The following PCDHGA9 variants were observed in gnomAD, a reference collection of about 807,000 sequenced individuals.
PCDHGA9 encodes protocadherin gamma-A9.
Under a neutral mutation model 62.5 loss-of-function variants are expected in PCDHGA9, and 37 were observed. The observed-to-expected ratio is 0.59, with a 90% CI of 0.46 to 0.78. The LOEUF (loss-of-function observed/expected upper bound fraction) is 0.78, where lower values mean the gene tolerates loss of function less well. PCDHGA9 is among the 30% of genes least tolerant of loss of function. PCDHGA9 has a pLI of 0.00. For missense variants in PCDHGA9, 1,138 were observed against 1,166.2 expected (o/e 0.98, Z 0.35); for synonymous variants, 459 against 484.6 (o/e 0.95, Z 0.69).
rs61612330 is a variant in PCDHGA9, at chr5:141,454,796, A to ATTTTTTTTTTTTTTT, written c.2425-39996_2425-39982dup. 1.0e-3 allele frequency among the ~76,000 whole-genome samples: 80 copies of ATTTTTTTTTTTTTTT among 77,456 alleles called. 10 individuals are homozygous for ATTTTTTTTTTTTTTT. The highest frequency in any genetic ancestry group is 2.0e-3 in the East Asian group (5 of 2,512). The allele number at this position is 77,456 out of a possible 152,430, so 50.8% of individuals were successfully genotyped here. A position where few individuals can be genotyped will look rare whatever the true frequency, so the allele number is the denominator to read the frequency against. On this transcript the variant is annotated intron_variant, in intron 1 of 3. Transcript: ENST00000573521. ...AAGGAAATAATCCTCCATGGTTCTA[A>ATTTTTTTTTTTTTTT]TTTTTTTTTTTTTTTTTTTTTTTTT...
chr5:141,492,616 G>C (rs976681246), intron 1 of PCDHGA9, among the ~76,000 whole-genome samples: 2 of 152,252 alleles, frequency 1.3e-5, no homozygotes, highest in African/African-American at 4.8e-5. Context: ...CTAAGTGCCG[G>C]GCGGGCAGGA....
Position 141,422,522 on chromosome 5 carries a change from C to T in PCDHGA9, c.2424+17146C>T, listed in dbSNP as rs767482856. On this transcript the variant is annotated intron_variant, in intron 1 of 3. Coordinates refer to ENST00000573521, the MANE Select transcript of PCDHGA9 (RefSeq NM_018921.3). Reference sequence around the variant, plus strand: ...ACAGCCACAGACCAGGGAAGCCCGCCTTTGTCTGCAGAAACTCATGTCTGG... The same window carrying T: ...ACAGCCACAGACCAGGGAAGCCCGCTTTTGTCTGCAGAAACTCATGTCTGG... 11 of 1,614,014 alleles carry T rather than the reference C, an allele frequency of 6.8e-6. No homozygotes were observed. In the South Asian group the frequency reaches 1.1e-4, roughly 16 times the overall value.
Position 141,403,425 on chromosome 5 carries a change from T to C in PCDHGA9, c.473T>C (p.Ile158Thr). 1 of 1,614,040 alleles carries C rather than the reference T, an allele frequency of 6.2e-7. No homozygotes were observed. The highest frequency in any genetic ancestry group is 1.1e-5 in the South Asian group (1 of 91,080). The change falls in exon 1 of 4, where the codon ATT becomes ACT. Residue 158 changes from isoleucine (I) to threonine (T), a missense_variant. Ile to Thr is a moderately conservative substitution (Grantham distance 89, BLOSUM62 -1). Coordinates refer to ENST00000573521, the MANE Select transcript of PCDHGA9 (RefSeq NM_018921.3). ...PGARYPLPEA[I>T]DPDVGVNSLQ... ...GCACGTTATCCACTTCCAGAAGCTA[T>C]TGATCCGGATGTTGGCGTGAACTCC...
chr5:141,445,564 G>A (rs564704836), intron 1 of PCDHGA9, among the ~76,000 whole-genome samples: 20 of 152,306 alleles, frequency 1.3e-4, no homozygotes, highest in Admixed American at 1.2e-3. Context: ...CTAAGAGAAA[G>A]CTTATAGTAG....
rs777325229 is a variant in PCDHGA9, at chr5:141,403,135, G to A, written c.183G>A (p.Glu61=). The change falls in exon 1 of 4, where the codon GAG becomes GAA. Residue 61 remains glutamate (E), a synonymous_variant. Transcript: ENST00000573521. ...CTCTGGAGCCCCGGGAGCTGGCGGA[G>A]CGCCGAGTCCGCATCGTCTCTAGAG... ...DLALEPRELA[E]RRVRIVSRGR... 8 of 1,613,948 alleles carry A rather than the reference G, an allele frequency of 5.0e-6. No homozygotes were observed. The African/African-American group carries it at 8.0e-5, about 16-fold the overall frequency.
At position 141,494,872 on chromosome 5, in the gene PCDHGA9, G is replaced by T. The variant is rs917132299; in HGVS notation, c.2483+7G>T. On this transcript the variant is annotated splice_region_variant and intron_variant, in intron 2 of 3. Transcript: ENST00000573521. The stretch of plus-strand genomic sequence containing the variant: ...AGAGACCCGGCACCAGCGGGTAGGT[G>T]ACTGATTCTCCAGCCCACCCTCTTC... 7 of 1,614,010 alleles carry T rather than the reference G, an allele frequency of 4.3e-6. No homozygotes were observed. The highest frequency in any genetic ancestry group is 1.3e-5 in the African/African-American group (1 of 74,910).
At chr5:141,424,078 T>C in intron 1 of PCDHGA9, 1 of 975,828 alleles carries the variant, frequency 1.0e-6, no homozygotes, top group South Asian at 4.8e-5. Context: ...GTAGTTATAT[T>C]CCACCATTAT....
chr5:141,414,726 C>G (rs761022941), intron 1 of PCDHGA9: 5 of 1,614,196 alleles, frequency 3.1e-6, no homozygotes, highest in Non-Finnish European at 4.2e-6. Context: ...ACACTGGCGT[C>G]CTGTATGCAC....
chr5:141,414,862 G>A (rs763491057), intron 1 of PCDHGA9: 1 of 1,614,226 alleles, frequency 6.2e-7, no homozygotes, highest in Non-Finnish European at 8.5e-7. Context: ...GAACGACAAT[G>A]CGCCCGAGAT....
intron 3 of PCDHGA9, among the ~76,000 whole-genome samples, chr5:141,509,815 TCTC>T (rs1596250992): frequency 6.6e-6 from 1 of 152,226 alleles, no homozygotes; most frequent in East Asian, 1.9e-4. Flanking sequence ...GCCGAGCTCT[TCTC>T]CATCTTCTCT....
At position 141,471,056 on chromosome 5, in the gene PCDHGA9, T is replaced by C. The variant is rs1367189715; in HGVS notation, c.2425-23751T>C. On this transcript the variant is annotated intron_variant, in intron 1 of 3. Coordinates refer to ENST00000573521, the MANE Select transcript of PCDHGA9 (RefSeq NM_018921.3). ...ACAAGCCCAAGCCCTCTTTTTTTTT[T>C]TTTTTTTTTTGAGACAGGGTCTCCC... Among the ~76,000 whole-genome samples, 581 of 150,056 alleles carry C rather than the reference T, an allele frequency of 3.9e-3. 6 individuals are homozygous for C. Among genetic ancestry groups the C allele is most frequent in the Admixed American group, 0.011 (167 of 15,092 alleles).
chr5:141,410,788 C>A, intron 1 of PCDHGA9: 2 of 712,228 alleles, frequency 2.8e-6, no homozygotes, highest in Non-Finnish European at 4.0e-6. Context: ...GTATTTGGTT[C>A]ATAAGTTGCT....
chr5:141,414,868 G>A (rs1346192710), intron 1 of PCDHGA9: 1 of 1,614,098 alleles, frequency 6.2e-7, no homozygotes, highest in African/African-American at 1.3e-5. Flanking sequence ...CAATGCGCCC[G>A]AGATCCTGTA....
intron 1 of PCDHGA9, among the ~76,000 whole-genome samples, chr5:141,494,157 G>A (rs929922206): frequency 5.9e-5 from 9 of 152,312 alleles, no homozygotes; most frequent in African/African-American, 1.7e-4. Context: ...TGTCTGGCAC[G>A]GAGTTCTAGG....
At chr5:141,410,124 G>T in intron 1 of PCDHGA9, 1 of 1,612,726 alleles carries the variant, frequency 6.2e-7, no homozygotes, top group South Asian at 1.1e-5. Flanking sequence ...GCCCGCCAGC[G>T]CCTGCTGGTC....
intron 1 of PCDHGA9, chr5:141,412,918 G>T: frequency 2.4e-6 from 1 of 414,220 alleles, no homozygotes; most frequent in Non-Finnish European, 4.2e-6. Flanking sequence ...TATCACTTGG[G>T]TGCAGTAACT....
chr5:141,418,840 C>G, intron 1 of PCDHGA9: 1 of 1,614,006 alleles, frequency 6.2e-7, no homozygotes. Flanking sequence ...GAGGATCTCT[C>G]TCAACACGGT....
intron 1 of PCDHGA9, chr5:141,422,834 G>A (rs1450583869): frequency 3.1e-6 from 5 of 1,614,230 alleles, no homozygotes; most frequent in East Asian, 2.2e-5. Context: ...GTGATAGCAC[G>A]TGACAGCGGG....
intron 1 of PCDHGA9, chr5:141,440,036 A>T (rs540100930): frequency 6.5e-6 from 1 of 153,058 alleles, no homozygotes; most frequent in Non-Finnish European, 1.5e-5. Context: ...TGTCGAGGAC[A>T]TGCCCACTTG....
Sources: gnomAD v4.1 joint callset for allele counts (sites outside exome capture counted in the v4.1 genomes callset) on GRCh38, gnomAD v4.1.1 for gene constraint, MANE v1.5 for transcripts, NCBI Gene and HGNC (gene_info 2026-07-23, HGNC 2026-07-21) for gene names.